JAK2: variants seen among roughly 807,000 people sequenced by gnomAD.
JAK2 encodes the protein tyrosine-protein kinase JAK2.
Under a neutral mutation model 139.3 loss-of-function variants are expected in JAK2, and 86 were observed. That is an observed-to-expected ratio of 0.62 (90% CI 0.52 to 0.74). The LOEUF (loss-of-function observed/expected upper bound fraction) is 0.74. JAK2 is among the 30% of genes least tolerant of loss of function. JAK2 has a pLI of 0.00. For synonymous variants in JAK2, 490 were observed against 437.7 expected, an observed-to-expected ratio of 1.12 and a Z score of -1.49; for missense variants, 1,421 against 1,360.3, an observed-to-expected ratio of 1.04 and a Z score of -0.70.
chr9:5,024,237 C>G (rs760579255), intron 3 of JAK2, among the ~76,000 whole-genome samples: 1 of 152,050 alleles, frequency 6.6e-6, no homozygotes, highest in Admixed American at 6.6e-5. Context: ...GCCTGGGCGA[C>G]AGAGCGAGAC....
chr9:5,090,981 T>C (rs1222200845), intron 22 of JAK2, 70 bp downstream of exon 22: 18 of 1,115,312 alleles, frequency 1.6e-5, no homozygotes, highest in Non-Finnish European at 2.3e-5. Context: ...TGTTATTTAA[T>C]AGTTTGCCAT....
At chr9:5,095,893 A>G (rs1008032427) in intron 22 of JAK2, among the ~76,000 whole-genome samples, 2 of 152,196 alleles carry the variant, frequency 1.3e-5, no homozygotes, top group African/African-American at 4.8e-5. Context: ...CCTAAGTATA[A>G]GCACTACAAC....
At chr9:4,989,744 C>A (rs1240241468) in intron 2 of JAK2, among the ~76,000 whole-genome samples, 2 of 151,902 alleles carry the variant, frequency 1.3e-5, no homozygotes, top group Non-Finnish European at 2.9e-5. Flanking sequence ...AGGGGGTAAG[C>A]AAAGGCAAAA....
chr9:5,019,454 ATTG>A (rs1188218395), intron 2 of JAK2, among the ~76,000 whole-genome samples: 2 of 151,710 alleles, frequency 1.3e-5, no homozygotes, highest in Non-Finnish European at 2.9e-5. Context: ...GTTTCTTTGT[ATTG>A]TTTATCTGTA....
intron 16 of JAK2, among the ~76,000 whole-genome samples, chr9:5,079,298 A>G (rs921591509): frequency 2.6e-5 from 4 of 152,198 alleles, no homozygotes; most frequent in African/African-American, 9.6e-5. Flanking sequence ...CTGTCTGTCT[A>G]TGTCAGAATA....
intron 4 of JAK2, among the ~76,000 whole-genome samples, chr9:5,039,886 C>A (rs1197935498): frequency 6.6e-6 from 1 of 152,088 alleles, no homozygotes; most frequent in African/African-American, 2.4e-5. Flanking sequence ...TGGCAATACT[C>A]CTTAATTGAT....
intron 5 of JAK2, among the ~76,000 whole-genome samples, chr9:5,046,239 C>A (rs528307823): frequency 6.1e-4 from 93 of 152,182 alleles, no homozygotes; most frequent in African/African-American, 2.1e-3. Flanking sequence ...CTACTGAAGT[C>A]CTTTGCCCAT....
In JAK2 at chr9:4,996,395, C is replaced by T. The variant is rs1461487683; in HGVS notation, c.-26+10373C>T. Among the ~76,000 whole-genome samples the T allele has an allele frequency of 3.3e-5, 5 of 151,982 alleles. No individual in the cohort carries two copies. In the East Asian group the frequency reaches 7.7e-4, roughly 23 times the overall value. On this transcript the variant is annotated intron_variant, in intron 2 of 24. Coordinates refer to ENST00000381652, the MANE Select transcript of JAK2 (RefSeq NM_004972.4). ...CCTGGGAGGCAGAGGTTGCAGTGAG[C>T]TGAGATCGTGCCATTGCACTCTAGC...
intron 8 of JAK2, among the ~76,000 whole-genome samples, chr9:5,064,394 G>A (rs1818420866): frequency 6.6e-6 from 1 of 151,934 alleles, no homozygotes; most frequent in South Asian, 2.1e-4. Context: ...GCTGGGCATG[G>A]CGGCATATGC....
chr9:5,044,519 A>G lies in JAK2; in HGVS notation c.467A>G (p.Gln156Arg). 6.5e-7 allele frequency: 1 copy of G among 1,537,030 alleles called. No individual in the cohort carries two copies. The change falls in exon 5 of 25, where the codon CAG (glutamine) becomes CGG (arginine). Residue 156 changes from glutamine (Q) to arginine (R), a missense_variant and splice_region_variant. Gln to Arg is a conservative substitution (Grantham distance 43). Coordinates refer to ENST00000381652, the MANE Select transcript of JAK2 (RefSeq NM_004972.4). ...TTTGTCATGTCTTACCTCTTTGCTC[A>G]GGTATGATTATATTATCTTACTTGT... ...DDFVMSYLFA[Q>R]WRHDFVHGWI...
intron 2 of JAK2, among the ~76,000 whole-genome samples, chr9:4,987,782 C>G (rs946853069): frequency 2.6e-5 from 4 of 151,496 alleles, no homozygotes; most frequent in African/African-American, 9.7e-5. Context: ...TTATTTACGA[C>G]TCTTTTAGCT....
intron 8 of JAK2, among the ~76,000 whole-genome samples, chr9:5,057,112 GTATTA>G: frequency 6.6e-6 from 1 of 152,128 alleles, no homozygotes; most frequent in African/African-American, 2.4e-5. Context: ...TTGTATACAA[GTATTA>G]TTTTATGTTT....
At chr9:5,111,557 G>A (rs879243330) in intron 22 of JAK2, 1 of 364,944 alleles carries the variant, frequency 2.7e-6, no homozygotes, top group South Asian at 2.1e-5. Context: ...CTTCTACATG[G>A]CAGATGGCAG....
chr9:5,021,855 A>G, intron 2 of JAK2, 108 bp from the exon 3 acceptor site: 1 of 626,748 alleles, frequency 1.6e-6, no homozygotes, highest in Non-Finnish European at 2.8e-6. Flanking sequence ...CTTGTCTCCA[A>G]CTTCTGGGCT....
chr9:5,117,019 A>C (rs1233229998), intron 22 of JAK2, among the ~76,000 whole-genome samples: 1 of 152,224 alleles, frequency 6.6e-6, no homozygotes, highest in African/African-American at 2.4e-5. Flanking sequence ...GGCCCTTATA[A>C]GAGGCTTCAT....
At chr9:5,015,190 G>A (rs1256361421) in intron 2 of JAK2, among the ~76,000 whole-genome samples, 3 of 152,094 alleles carry the variant, frequency 2.0e-5, no homozygotes, top group Non-Finnish European at 4.4e-5. Context: ...GATAGTTTGG[G>A]TTGTTTGCAG....
At chr9:5,050,856 C>A (rs187871601) in intron 6 of JAK2, 25 bp downstream of exon 6, 9 of 1,587,990 alleles carry the variant, frequency 5.7e-6, no homozygotes, top group Non-Finnish European at 7.8e-6. Context: ...CAAATCCTTA[C>A]ACATAAGTGT....
chr9:5,095,853 T>C (rs1439510898), intron 22 of JAK2, among the ~76,000 whole-genome samples: 1 of 152,216 alleles, frequency 6.6e-6, no homozygotes, highest in East Asian at 1.9e-4. Flanking sequence ...TTTACCTTAT[T>C]TTAACAACTA....
Position 5,077,499 on chromosome 9 carries a change from T to C in JAK2, c.1911T>C (p.Tyr637=). 7.1e-7 allele frequency: 1 copy of C among 1,415,812 alleles called. No individual in the cohort carries two copies. The highest frequency in any genetic ancestry group is 9.5e-7 in the Non-Finnish European group (1 of 1,055,960). 87.7% of individuals were successfully genotyped at this position (1,415,812 alleles called of 1,614,324 possible). A position where few individuals can be genotyped will look rare whatever the true frequency, so the allele number is the denominator to read the frequency against. The change falls in exon 15 of 25, where the codon TAT becomes TAC. Residue 637 remains tyrosine, a synonymous_variant. Coordinates refer to ENST00000381652, the MANE Select transcript of JAK2 (RefSeq NM_004972.4). ...EFVKFGSLDT[Y]LKKNKNCINI... ...TAAAATTTGGATCACTAGATACATATCTGAAAAAGAATAAAAATTGTATAA... is the reference window on the plus strand; with the variant it reads ...TAAAATTTGGATCACTAGATACATACCTGAAAAAGAATAAAAATTGTATAA...
Sources: allele counts gnomAD v4.1 joint callset (sites outside exome capture counted in the v4.1 genomes callset), GRCh38; gene constraint gnomAD v4.1.1; transcripts MANE v1.5; gene names NCBI Gene and HGNC (gene_info 2026-07-23, HGNC 2026-07-21).